PLB1: variants seen among roughly 807,000 people sequenced by gnomAD.
PLB1 encodes the protein phospholipase B1, membrane-associated.
In PLB1, 242 loss-of-function variants were observed where a neutral mutation model predicts 227.4. The observed-to-expected ratio is 1.06, with a 90% CI of 0.96 to 1.18. The LOEUF is 1.18. Among genes scored for constraint, PLB1 ranks in the 50% most tolerant of loss-of-function variants. The pLI is 0.00. For synonymous variants in PLB1, 757 were observed against 682.2 expected (o/e 1.11, Z -1.71); for missense variants, 1,858 against 1,816.3 (o/e 1.02, Z -0.42).
At chr2:28,613,350 T>A (rs1233727635) in intron 43 of PLB1, among the ~76,000 whole-genome samples, 1 of 152,240 alleles carries the variant, frequency 6.6e-6, no homozygotes, top group African/African-American at 2.4e-5. Flanking sequence ...ATCTCAGTCT[T>A]ATCAACTTGA....
intron 57 of PLB1, 111 bp downstream of exon 57, chr2:28,641,112 C>T: frequency 2.0e-6 from 2 of 977,750 alleles, no homozygotes; most frequent in Non-Finnish European, 3.0e-6. Context: ...AATGCGGCTT[C>T]ACTCACTGCC....
At chr2:28,620,847 T>A in intron 48 of PLB1, 32 bp from the exon 49 acceptor site, 1 of 1,570,346 alleles carries the variant, frequency 6.4e-7, no homozygotes, top group South Asian at 1.1e-5. Context: ...GGCTCTCACC[T>A]GTGCTCTTCT....
At chr2:28,633,953 A>C (rs942029356) in intron 56 of PLB1, among the ~76,000 whole-genome samples, 1 of 152,074 alleles carries the variant, frequency 6.6e-6, no homozygotes, top group African/African-American at 2.4e-5. Context: ...TCTGCCAACC[A>C]CCGCTGTGCA....
intron 32 of PLB1, 115 bp downstream of exon 32, chr2:28,592,834 T>G: frequency 1.1e-6 from 1 of 930,410 alleles, no homozygotes. Flanking sequence ...CCCCTCTACC[T>G]GGCTCTGTCA....
At chr2:28,616,923 T>C (rs1044106464) in intron 44 of PLB1, among the ~76,000 whole-genome samples, 1 of 152,202 alleles carries the variant, frequency 6.6e-6, no homozygotes, top group East Asian at 1.9e-4. Context: ...GCAGTCAGAC[T>C]CCTGGACAGT....
At chr2:28,501,267 T>A (rs1384971227) in intron 1 of PLB1, among the ~76,000 whole-genome samples, 1 of 152,214 alleles carries the variant, frequency 6.6e-6, no homozygotes, top group Non-Finnish European at 1.5e-5. Context: ...ACTCACTTAC[T>A]GAATCCTACA....
intron 50 of PLB1, 22 bp downstream of exon 50, chr2:28,625,130 A>C (rs772368126): frequency 3.1e-6 from 5 of 1,606,834 alleles, no homozygotes; most frequent in Non-Finnish European, 4.3e-6. Flanking sequence ...CCCCCAGGCC[A>C]CCCCTGAAAG....
chr2:28,562,909 TC>T, intron 17 of PLB1, 131 bp from the exon 18 acceptor site: 1 of 814,120 alleles, frequency 1.2e-6, no homozygotes. Flanking sequence ...CTATCTTTTA[TC>T]CAAGGTGTCT....
At chr2:28,630,740 CCAGCA>C (rs1193633923) in intron 54 of PLB1, 76 bp downstream of exon 54, 23 of 1,269,998 alleles carry the variant, frequency 1.8e-5, no homozygotes, top group Non-Finnish European at 2.5e-5. Flanking sequence ...AATCGAATGC[CCAGCA>C]GGATGTGGCC....
Position 28,643,130 on chromosome 2 carries a change from T to A in PLB1, c.*69T>A. ...CTTCACCGCCCTCTGCCCCAGCCAC[T>A]CCCGGCCACCAGGACATGCTTCAAT... On this transcript the variant is annotated 3_prime_UTR_variant, in exon 58 of 58. Transcript: ENST00000327757. 1.4e-5 allele frequency: 19 copies of A among 1,404,944 alleles called. No individual in the cohort carries two copies. The highest frequency in any genetic ancestry group is 1.8e-5 in the Non-Finnish European group (19 of 1,051,684). 87.0% of individuals were successfully genotyped at this position (1,404,944 alleles called of 1,614,324 possible).
intron 56 of PLB1, among the ~76,000 whole-genome samples, chr2:28,639,443 G>T (rs1454197698): frequency 6.6e-6 from 1 of 152,254 alleles, no homozygotes; most frequent in Non-Finnish European, 1.5e-5. Flanking sequence ...GCGAGCAGCA[G>T]AGAGAAGGAG....
At chr2:28,586,097 C>T (rs889075873) in intron 26 of PLB1, among the ~76,000 whole-genome samples, 1 of 152,198 alleles carries the variant, frequency 6.6e-6, no homozygotes, top group Middle Eastern at 3.2e-3. Flanking sequence ...CGAACGTTTC[C>T]ACTTGTCCAT....
At chr2:28,641,202 G>A (rs72851616) in intron 57 of PLB1, among the ~76,000 whole-genome samples, 10,105 of 152,266 alleles carry the variant, frequency 0.066, 1,146 homozygotes, top group African/African-American at 0.23. Flanking sequence ...GGGAGAGGAC[G>A]TTCAACAGCT....
intron 6 of PLB1, among the ~76,000 whole-genome samples, chr2:28,529,091 G>A (rs1364229330): frequency 6.6e-6 from 1 of 152,020 alleles, no homozygotes; most frequent in Non-Finnish European, 1.5e-5. Flanking sequence ...ATGACCACAG[G>A]TGAGCACCAC....
At chr2:28,543,373 C>A in intron 14 of PLB1, 105 bp downstream of exon 14, 1 of 1,243,694 alleles carries the variant, frequency 8.0e-7, no homozygotes, top group Non-Finnish European at 1.1e-6. Context: ...CCCAGGATCC[C>A]AGGACAATGG....
chr2:28,630,010 A>G (rs555866503), intron 53 of PLB1, among the ~76,000 whole-genome samples: 2 of 152,308 alleles, frequency 1.3e-5, no homozygotes, highest in East Asian at 3.9e-4. Flanking sequence ...GCTCTCTCGC[A>G]GGGAACGGCT....
chr2:28,569,965 CAAA>C (rs200866382), intron 20 of PLB1, among the ~76,000 whole-genome samples: 1 of 62,802 alleles, frequency 1.6e-5, no homozygotes, highest in African/African-American at 3.9e-5. Context: ...GACTCCATCT[CAAA>C]AAAAAAAAAA....
intron 9 of PLB1, among the ~76,000 whole-genome samples, chr2:28,536,105 A>G (rs1377879593): frequency 6.6e-6 from 1 of 152,214 alleles, no homozygotes; most frequent in Non-Finnish European, 1.5e-5. Context: ...ATGTTGAGCT[A>G]CTGTCCTGCC....
At chr2:28,538,560 C>G (rs755408991) in intron 10 of PLB1, among the ~76,000 whole-genome samples, 179 bp downstream of exon 10, 3 of 152,174 alleles carry the variant, frequency 2.0e-5, no homozygotes, top group Non-Finnish European at 4.4e-5. Flanking sequence ...CAGGAGAGCA[C>G]ACTCCACTCC....
Sources: gnomAD v4.1 joint callset for allele counts (sites outside exome capture counted in the v4.1 genomes callset) on GRCh38, gnomAD v4.1.1 for gene constraint, MANE v1.5 for transcripts, NCBI Gene and HGNC (gene_info 2026-07-23, HGNC 2026-07-21) for gene names.